The following LRRC37A3 variants were observed in gnomAD, a reference collection of about 807,000 sequenced individuals.
LRRC37A3 encodes the protein leucine rich repeat containing 37 member A3, also known as leucine-rich repeat-containing protein 37A3.
LRRC37A3 carries 25 observed loss-of-function variants against 106.2 expected under a neutral mutation model. The ratio of observed to expected loss-of-function variants is 0.24; its 90% confidence interval spans 0.17 to 0.33. LRRC37A3 has a LOEUF of 0.33. LRRC37A3 is among the 10% of genes least tolerant of loss of function. The pLI, the probability that LRRC37A3 is intolerant of heterozygous loss-of-function variation, is 1.00. For synonymous variants in LRRC37A3, 305 were observed against 635.8 expected, an observed-to-expected ratio of 0.48 and a Z score of 7.83; for missense variants, 712 against 1,644.9, an observed-to-expected ratio of 0.43 and a Z score of 9.81.
intron 8 of LRRC37A3, among the ~76,000 whole-genome samples, chr17:64,880,875 C>A (rs572386476): frequency 6.6e-6 from 1 of 152,174 alleles, no homozygotes; most frequent in East Asian, 1.9e-4. Context: ...CATGTCATCA[C>A]TGTCTTAAAT....
intron 8 of LRRC37A3, 123 bp from the exon 9 acceptor site, chr17:64,869,289 T>C: frequency 1.3e-6 from 2 of 1,515,518 alleles, no homozygotes; most frequent in South Asian, 1.3e-5. Flanking sequence ...TTCCTGTCTT[T>C]ACCTAAGAAA....
At chr17:64,869,680 A>G (rs2143442097) in intron 8 of LRRC37A3, among the ~76,000 whole-genome samples, 1 of 151,120 alleles carries the variant, frequency 6.6e-6, no homozygotes, top group South Asian at 2.1e-4. Context: ...AGCTGGGATT[A>G]CAGGCACCCA....
At chr17:64,913,350 T>C (rs1974632870) in intron 2 of LRRC37A3, among the ~76,000 whole-genome samples, 1 of 150,860 alleles carries the variant, frequency 6.6e-6, no homozygotes, top group South Asian at 2.1e-4. Context: ...TTTTTTTTTT[T>C]TTTCTTTTGA....
Position 64,859,447 on chromosome 17 carries a change from G to C in LRRC37A3, c.4699C>G (p.Leu1567Val), listed in dbSNP as rs759216641. The stretch of plus-strand genomic sequence containing the variant: ...TGTTTCTGTGTAGTCCTCACCTCAA[G>C]CGACTTCTCTTTCTGTTCACTCTGG... ...EAQSEQKEKS[L>V]EFTKELPGYG... The change falls in exon 12 of 15, where the codon CTT becomes GTT. Residue 1567 changes from leucine to valine, a missense_variant. Transcript: ENST00000584306. 1.9e-5 allele frequency: 30 copies of C among 1,584,812 alleles called. No homozygotes were observed. The Admixed American group carries it at 5.0e-4, about 27-fold the overall frequency.
chr17:64,875,981 C>T (rs931256491), intron 8 of LRRC37A3, among the ~76,000 whole-genome samples: 3 of 151,996 alleles, frequency 2.0e-5, no homozygotes, highest in East Asian at 1.9e-4. Flanking sequence ...TGAACTACAA[C>T]GTTATAAAAT....
At position 64,854,633 on chromosome 17, in the gene LRRC37A3, G is replaced by T. The variant is rs1317948885; in HGVS notation, c.4871C>A (p.Ala1624Asp). 3 of 1,613,604 alleles carry T rather than the reference G, an allele frequency of 1.9e-6. No individual in the cohort carries two copies. Among genetic ancestry groups the T allele is most frequent in the Non-Finnish European group, 2.5e-6 (3 of 1,179,876 alleles). ...DEEGFSRDSE[A>D]PTEEESEALP Reference sequence around the variant, plus strand: ...GGCTTCACTCTCCTCCTCCGTTGGGGCTTCGCTGTCCCTGGGATAAGAATA... The same window carrying T: ...GGCTTCACTCTCCTCCTCCGTTGGGTCTTCGCTGTCCCTGGGATAAGAATA... Residue 1624 changes from alanine to aspartate, a missense_variant, in exon 15 of 15, where the codon GCC (alanine) becomes GAC (aspartate). Physicochemically the swap from Ala to Asp is moderately radical, Grantham distance 126. Transcript: ENST00000584306.
At chr17:64,866,735 A>G (rs1329887583) in intron 10 of LRRC37A3, among the ~76,000 whole-genome samples, 1 of 131,746 alleles carries the variant, frequency 7.6e-6, no homozygotes, top group Non-Finnish European at 1.6e-5. Flanking sequence ...GGTTCAAGTG[A>G]TCCTCCTGAC....
chr17:64,881,165 C>T (rs983008689), intron 8 of LRRC37A3: 4 of 700,794 alleles, frequency 5.7e-6, no homozygotes, highest in South Asian at 3.0e-5. Context: ...TACAAGACCT[C>T]GGACTGCATC....
chr17:64,884,571 G>C (rs1379653301), intron 8 of LRRC37A3, among the ~76,000 whole-genome samples: 1 of 149,284 alleles, frequency 6.7e-6, no homozygotes, highest in African/African-American at 2.6e-5. Context: ...CACCATGTTG[G>C]TCAGGCTGGT....
Position 64,878,670 on chromosome 17 carries a change from C to G in LRRC37A3, c.2906+7416G>C, listed in dbSNP as rs962109340. Among the ~76,000 whole-genome samples the G allele has an allele frequency of 2.4e-4, 36 of 152,296 alleles. 1 individual carries two copies. Among genetic ancestry groups the G allele is most frequent in the African/African-American group, 7.5e-4 (31 of 41,564 alleles). Reference sequence around the variant, plus strand: ...TCACTGGGATGGCTATGAGAAGAGACAGACAATGACAGTGTTGACAAAGAC... The same window carrying G: ...TCACTGGGATGGCTATGAGAAGAGAGAGACAATGACAGTGTTGACAAAGAC... On this transcript the variant is annotated intron_variant, in intron 8 of 14. Coordinates refer to ENST00000584306, the MANE Select transcript of LRRC37A3 (RefSeq NM_199340.5).
At chr17:64,909,852 A>T (rs1450931374) in intron 2 of LRRC37A3, 2 of 152,078 alleles carry the variant, frequency 1.3e-5, no homozygotes, top group African/African-American at 4.8e-5. Context: ...TTGTCAATGA[A>T]TTTCCAGCAC....
rs367707677 is a variant in LRRC37A3, at chr17:64,875,715, G to A, written c.2907-6549C>T. 8.5e-5 allele frequency among the ~76,000 whole-genome samples: 13 copies of A among 152,112 alleles called. No individual in the cohort carries two copies. The East Asian group carries it at 2.3e-3, about 27-fold the overall frequency. On this transcript the variant is annotated intron_variant, in intron 8 of 14. Transcript: ENST00000584306. Reference sequence around the variant, plus strand: ...GAGGCACTAGAATCGCTTGAACCTGGGAGGCAGAGGTTGCGGCGAGTAAAG... The same window carrying A: ...GAGGCACTAGAATCGCTTGAACCTGAGAGGCAGAGGTTGCGGCGAGTAAAG...
Position 64,859,577 on chromosome 17 carries a change from G to A in LRRC37A3, c.4569C>T (p.His1523=), listed in dbSNP as rs575728503. The part of the protein sequence containing the change: ...TCAKLVSRTG[H]LMKLLSGQQE... ...GCTGCCCACTGAGAAGCTTCATCAGGTGGCCTGTCCTGGAGACGAGCTTGG... is the reference window on the plus strand; with the variant it reads ...GCTGCCCACTGAGAAGCTTCATCAGATGGCCTGTCCTGGAGACGAGCTTGG... The change falls in exon 12 of 15, where the codon CAC becomes CAT. Residue 1523 remains histidine (H), a synonymous_variant. Coordinates refer to ENST00000584306, the MANE Select transcript of LRRC37A3 (RefSeq NM_199340.5). The A allele has an allele frequency of 5.6e-6, 9 of 1,612,718 alleles. No individual in the cohort carries two copies. Among genetic ancestry groups the A allele is most frequent in the Middle Eastern group, 1.6e-4 (1 of 6,062 alleles).
chr17:64,861,091 C>G (rs1972852161), intron 11 of LRRC37A3, 118 bp from the exon 12 acceptor site: 9 of 1,524,128 alleles, frequency 5.9e-6, no homozygotes, highest in Non-Finnish European at 8.1e-6. Context: ...GAGTGCCATT[C>G]AGAGAGGAGA....
In LRRC37A3 at chr17:64,863,029, A is replaced by G. The variant is rs760550635; in HGVS notation, c.3054-11T>C. 8.1e-6 allele frequency: 13 copies of G among 1,597,652 alleles called. No individual in the cohort carries two copies. In the Admixed American group the frequency reaches 2.0e-4, roughly 25 times the overall value. ...TGGCTAGGTACGATCCTATAGATGA[A>G]AACAGAGAGCAATAAATTAGCGGTA... On this transcript the variant is annotated splice_polypyrimidine_tract_variant and intron_variant, in intron 10 of 14. Coordinates refer to ENST00000584306, the MANE Select transcript of LRRC37A3 (RefSeq NM_199340.5).
intron 2 of LRRC37A3, among the ~76,000 whole-genome samples, chr17:64,915,461 G>A (rs1304637434): frequency 6.6e-6 from 1 of 152,230 alleles, no homozygotes; most frequent in East Asian, 1.9e-4. Context: ...AGTTTTATTG[G>A]AACAGCTATT....
intron 1 of LRRC37A3, 65 bp from the exon 2 acceptor site, chr17:64,918,935 TGAC>T (rs1974765680): frequency 6.3e-6 from 6 of 946,440 alleles, no homozygotes; most frequent in Non-Finnish European, 2.7e-6. Flanking sequence ...ACCACTTTGT[TGAC>T]GGCCGTCCGG....
At chr17:64,862,382 G>C (rs1360776081) in intron 11 of LRRC37A3, among the ~76,000 whole-genome samples, 3 of 151,940 alleles carry the variant, frequency 2.0e-5, no homozygotes, top group African/African-American at 7.3e-5. Context: ...CATTCCATTA[G>C]AAGAGCCAGG....
At chr17:64,884,656 G>T (rs957675827) in intron 8 of LRRC37A3, among the ~76,000 whole-genome samples, 1 of 139,366 alleles carries the variant, frequency 7.2e-6, no homozygotes, top group Non-Finnish European at 1.5e-5. Context: ...CACCGCTCCC[G>T]GCCACCAGAT....
Sources: gnomAD v4.1 joint callset for allele counts (sites outside exome capture counted in the v4.1 genomes callset) on GRCh38, gnomAD v4.1.1 for gene constraint, MANE v1.5 for transcripts, NCBI Gene and HGNC (gene_info 2026-07-23, HGNC 2026-07-21) for gene names.